The following PRSS3 variants were observed in gnomAD, a reference collection of about 807,000 sequenced individuals.
The protein encoded by PRSS3 is serine protease 3.
A neutral mutation model predicts 20.8 loss-of-function variants in PRSS3; 14 were observed. The ratio of observed to expected loss-of-function variants is 0.67; its 90% CI spans 0.44 to 1.05. The LOEUF is 1.05. PRSS3 is among the 50% of genes least tolerant of loss of function. The pLI, the probability that PRSS3 is intolerant of heterozygous loss-of-function variation, is 0.00. For missense variants in PRSS3, 237 were observed against 306.4 expected (o/e 0.77, Z 1.69); for synonymous variants, 91 against 117.6 (o/e 0.77, Z 1.46).
chr9:33,750,873 T>A lies in PRSS3; in HGVS notation c.-53+146T>A. 1 of 1,360,018 alleles carries A rather than the reference T, an allele frequency of 7.4e-7. No individual in the cohort carries two copies. Among genetic ancestry groups the A allele is most frequent in the Non-Finnish European group, 9.4e-7 (1 of 1,061,228 alleles). 84.2% of individuals were successfully genotyped at this position (1,360,018 alleles called of 1,614,324 possible). A position where few individuals can be genotyped will look rare whatever the true frequency, so the allele number is the denominator to read the frequency against. On this transcript the variant is annotated intron_variant, in intron 1 of 5. Transcript: ENST00000342836. This position sits in a 1 kb window ranked among gnomAD's most constrained non-coding sequence, Gnocchi z 4.8. ...GGAGGGTACGCGGACAGGGAGGGGA[T>A]ACCGACTGGGAGGGGCTCAGGGACA...
chr9:33,771,765 C>T (rs1359368256), intron 1 of PRSS3, among the ~76,000 whole-genome samples: 2 of 150,976 alleles, frequency 1.3e-5, no homozygotes, highest in Non-Finnish European at 3.0e-5. Flanking sequence ...TGCACCACCA[C>T]ACCCAGCTAA....
intron 1 of PRSS3, among the ~76,000 whole-genome samples, chr9:33,769,383 G>C (rs1823584788): frequency 6.6e-6 from 1 of 152,206 alleles, no homozygotes. Context: ...GTCGGGAACA[G>C]AGATGTGGTT....
chr9:33,795,088 A>G (rs1824843545), upstream of PRSS3, among the ~76,000 whole-genome samples: 1 of 151,668 alleles, frequency 6.6e-6, no homozygotes, highest in South Asian at 2.1e-4. Flanking sequence ...CATATTCACA[A>G]AAATGAGCCT....
chr9:33,757,498 A>C (rs1201647358), intron 1 of PRSS3, among the ~76,000 whole-genome samples: 1 of 151,476 alleles, frequency 6.6e-6, no homozygotes, highest in Non-Finnish European at 1.5e-5. Flanking sequence ...TTCCCTGGGA[A>C]AGGTTTAGAT....
At position 33,787,185 on chromosome 9, in the gene PRSS3, A is replaced by G. The variant is rs1185512478; in HGVS notation, c.-52-7561A>G. On this transcript the variant is annotated intron_variant, in intron 1 of 5. Coordinates refer to the PRSS3 transcript ENST00000342836. ...GTCAGTAATAGCCTTTAACTGTTTTATCTCAAGGCTCTATTTAGCTGGTTT... is the reference window on the plus strand; with the variant it reads ...GTCAGTAATAGCCTTTAACTGTTTTGTCTCAAGGCTCTATTTAGCTGGTTT... Among the ~76,000 whole-genome samples, 3 of 152,322 alleles carry G rather than the reference A, an allele frequency of 2.0e-5. No individual in the cohort carries two copies. In the East Asian group the frequency reaches 5.8e-4, roughly 29 times the overall value.
At chr9:33,786,237 CT>C in intron 1 of PRSS3, 1 of 543,744 alleles carries the variant, frequency 1.8e-6, no homozygotes, top group South Asian at 2.2e-5. Flanking sequence ...TCTCCTGCTC[CT>C]TCTCCGGGGA....
rs568411504 is a variant in PRSS3, at chr9:33,796,747, G to A, written c.145G>A (p.Gly49Ser). Residue 49 changes from glycine to serine, a missense_variant, in exon 2 of 5, where the codon GGT becomes AGT. Coordinates refer to ENST00000379405, the MANE Select transcript of PRSS3 (RefSeq NM_002771.4). The stretch of plus-strand genomic sequence containing the variant: ...CCTGAATTCTGGCTCCCACTTCTGC[G>A]GTGGCTCCCTCATCAGCGAACAGTG... ...VSLNSGSHFC[G>S]GSLISEQWVV... The A allele has an allele frequency of 3.3e-5, 53 of 1,613,948 alleles. No homozygotes were observed. Among genetic ancestry groups the A allele is most frequent in the Non-Finnish European group, 4.0e-5 (47 of 1,179,826 alleles).
chr9:33,771,328 T>TC (rs1489053052), intron 1 of PRSS3, among the ~76,000 whole-genome samples: 1 of 151,302 alleles, frequency 6.6e-6, no homozygotes, highest in African/African-American at 2.4e-5. Context: ...TTTTTTTTTT[T>TC]ATGTTTTGAG....
intron 2 of PRSS3, 150 bp downstream of exon 2, chr9:33,796,952 A>C: frequency 8.5e-7 from 1 of 1,176,066 alleles, no homozygotes; most frequent in South Asian, 1.3e-5. Context: ...CTCCAGAGCA[A>C]GGCCAATCCA....
chr9:33,769,697 TCAGGGG>T (rs1288854041), intron 1 of PRSS3, among the ~76,000 whole-genome samples: 1 of 152,188 alleles, frequency 6.6e-6, no homozygotes, highest in African/African-American at 2.4e-5. Context: ...GCACACAGAT[TCAGGGG>T]CAGGACTGGT....
rs549472668 is a variant in PRSS3, at chr9:33,780,113, G to A, written c.-52-14633G>A. Among the ~76,000 whole-genome samples, 48 of 152,030 alleles carry A rather than the reference G, an allele frequency of 3.2e-4. 1 individual carries two copies. The South Asian group carries it at 7.9e-3, about 25-fold the overall frequency. On this transcript the variant is annotated intron_variant, in intron 1 of 5. Coordinates refer to the PRSS3 transcript ENST00000342836. ...ACAACTATCCCCAAGACACATAGTC[G>A]TCAGATTCACCAAGGTCAAGGTAAA...
Position 33,785,160 on chromosome 9 carries a change from A to ATTTTTTTTTTT in PRSS3, c.-52-9561_-52-9551dup, listed in dbSNP as rs74180504. Among the ~76,000 whole-genome samples the ATTTTTTTTTTT allele has an allele frequency of 3.9e-3, 283 of 72,456 alleles. 10 individuals are homozygous for ATTTTTTTTTTT. Among genetic ancestry groups the ATTTTTTTTTTT allele is most frequent in the Middle Eastern group, 8.8e-3 (1 of 114 alleles). The allele number at this position is 72,456 out of a possible 152,430, so 47.5% of individuals were successfully genotyped here. ...GAAAAAGATCATAGCATTGTGGTCA[A>ATTTTTTTTTTT]TTTTTTTTTTTTTTTTTTTTTTTTT... On this transcript the variant is annotated intron_variant, in intron 1 of 5. Coordinates refer to the PRSS3 transcript ENST00000342836.
intron 1 of PRSS3, among the ~76,000 whole-genome samples, chr9:33,754,841 G>A (rs1822868465): frequency 6.6e-6 from 1 of 152,120 alleles, no homozygotes; most frequent in African/African-American, 2.4e-5. Flanking sequence ...TCAAAAAATA[G>A]TAATAATAAC....
chr9:33,798,312 G>T, intron 3 of PRSS3, 174 bp from the exon 4 acceptor site: 5 of 1,256,538 alleles, frequency 4.0e-6, no homozygotes, highest in Non-Finnish European at 5.6e-6. Context: ...TCTTGGGAGG[G>T]GTTCAACAAT....
In PRSS3 at chr9:33,797,911, C is replaced by T. The variant is rs142082180; in HGVS notation, c.283C>T (p.Arg95Cys). 514 of 1,613,968 alleles carry T rather than the reference C, an allele frequency of 3.2e-4. No individual in the cohort carries two copies. Among genetic ancestry groups the T allele is most frequent in the Admixed American group, 8.3e-4 (50 of 60,012 alleles). Residue 95 changes from arginine to cysteine, a missense_variant, in exon 3 of 5, where the codon CGC (arginine) becomes TGC (cysteine). Physicochemically the swap from Arg to Cys is radical, Grantham distance 180 (BLOSUM62 -3). Transcript: ENST00000379405. ...EQFINAAKII[R>C]HPKYNRDTLD... is the part of the protein sequence containing the mutation. Reference sequence around the variant, plus strand: ...GTTCATCAATGCGGCCAAGATCATCCGCCACCCTAAATACAACAGGGACAC... The same window carrying T: ...GTTCATCAATGCGGCCAAGATCATCTGCCACCCTAAATACAACAGGGACAC...
At chr9:33,786,257 G>A (rs192742479) in intron 1 of PRSS3, 5 of 560,630 alleles carry the variant, frequency 8.9e-6, no homozygotes, top group Admixed American at 5.8e-5. Context: ...GATTAGGTAT[G>A]AGCCTTGACT....
intron 4 of PRSS3, 182 bp downstream of exon 4, chr9:33,798,804 G>A (rs1423027248): frequency 6.9e-6 from 8 of 1,154,508 alleles, no homozygotes; most frequent in Non-Finnish European, 7.4e-6. Context: ...AACGAGGAAG[G>A]TGGCGGGGCT....
chr9:33,766,342 G>T (rs1823420593), intron 1 of PRSS3, among the ~76,000 whole-genome samples: 1 of 151,004 alleles, frequency 6.6e-6, no homozygotes, highest in Non-Finnish European at 1.5e-5. Flanking sequence ...GGGAGGCCGA[G>T]GTGGGTGGAT....
intron 1 of PRSS3, among the ~76,000 whole-genome samples, chr9:33,785,051 A>C (rs1432592897): frequency 6.6e-6 from 1 of 152,158 alleles, no homozygotes; most frequent in East Asian, 1.9e-4. Flanking sequence ...AAGCAGAGTA[A>C]GTGCTCAAAA....
Sources: gnomAD v4.1 joint callset for allele counts (sites outside exome capture counted in the v4.1 genomes callset) on GRCh38, gnomAD v4.1.1 for gene constraint, Gnocchi (gnomAD v3.1) non-coding constraint, MANE v1.5 for transcripts, NCBI Gene and HGNC (gene_info 2026-07-23, HGNC 2026-07-21) for gene names.